ASTN1: variants seen among roughly 807,000 people sequenced by gnomAD.
The protein encoded by ASTN1 is astrotactin 1.
Under a neutral mutation model 140.7 loss-of-function variants are expected in ASTN1, and 41 were observed. The ratio of observed to expected loss-of-function variants is 0.29; its 90% CI spans 0.23 to 0.38. The LOEUF is 0.38. Ranked by LOEUF, ASTN1 falls within the 10% of genes least tolerant of loss-of-function variation. The pLI is 1.00. For synonymous variants in ASTN1, 640 were observed against 652.2 expected, an observed-to-expected ratio of 0.98 and a Z score of 0.29; for missense variants, 1,479 against 1,678.8, an observed-to-expected ratio of 0.88 and a Z score of 2.08.
chr1:176,922,422 C>A (rs774896578), intron 16 of ASTN1, among the ~76,000 whole-genome samples: 1 of 151,848 alleles, frequency 6.6e-6, no homozygotes, highest in Non-Finnish European at 1.5e-5. Context: ...AGGGAGTAAC[C>A]CCCAGGCTGC....
intron 1 of ASTN1, among the ~76,000 whole-genome samples, chr1:177,086,883 G>T (rs1273582245): frequency 1.3e-5 from 2 of 152,110 alleles, no homozygotes; most frequent in Non-Finnish European, 2.9e-5. Flanking sequence ...AATATACATT[G>T]TTAAGTATCT....
intron 2 of ASTN1, among the ~76,000 whole-genome samples, chr1:177,051,165 T>A (rs1194776975): frequency 9.9e-5 from 15 of 152,262 alleles, no homozygotes; most frequent in Admixed American, 9.8e-4. Flanking sequence ...GTGCCTTAAG[T>A]GACAATTATA....
At chr1:176,893,762 G>A (rs1055163325) in intron 17 of ASTN1, among the ~76,000 whole-genome samples, 6 of 152,126 alleles carry the variant, frequency 3.9e-5, no homozygotes, top group African/African-American at 7.2e-5. Flanking sequence ...CACACCCGGC[G>A]TCTCCTTGTT....
intron 16 of ASTN1, among the ~76,000 whole-genome samples, chr1:176,903,820 C>T (rs192829770): frequency 6.6e-6 from 1 of 152,276 alleles, no homozygotes; most frequent in African/African-American, 2.4e-5. Flanking sequence ...AGTTCAAAAT[C>T]AAGGTGTGGT....
At chr1:177,164,306 G>T in intron 1 of ASTN1, 88 bp downstream of exon 1, 1 of 1,355,562 alleles carries the variant, frequency 7.4e-7, no homozygotes, top group Non-Finnish European at 9.9e-7. Context: ...GGAGGTCGTC[G>T]GCGAGTGGGT....
intron 1 of ASTN1, among the ~76,000 whole-genome samples, chr1:177,138,253 C>T (rs988927550): frequency 1.4e-4 from 21 of 152,182 alleles, no homozygotes; most frequent in African/African-American, 4.8e-4. Flanking sequence ...GTAGAATTTT[C>T]CTGCCCCAGA....
At chr1:176,974,439 G>T (rs1311227755) in intron 8 of ASTN1, among the ~76,000 whole-genome samples, 4 of 149,592 alleles carry the variant, frequency 2.7e-5, no homozygotes, top group Admixed American at 1.3e-4. Flanking sequence ...AGGCTGGACT[G>T]CAGTGTCATG....
intron 1 of ASTN1, among the ~76,000 whole-genome samples, chr1:177,156,984 A>G (rs1036915738): frequency 2.0e-5 from 3 of 152,210 alleles, no homozygotes; most frequent in Non-Finnish European, 2.9e-5. Context: ...AAACTGTCAA[A>G]GTCATCAAAA....
chr1:176,859,086 A>T (rs1667889309), downstream of ASTN1, among the ~76,000 whole-genome samples: 1 of 152,242 alleles, frequency 6.6e-6, no homozygotes, highest in African/African-American at 2.4e-5. Context: ...GCACATTTGC[A>T]TCCAAAAAGT....
chr1:176,899,590 G>A (rs1204654927), intron 16 of ASTN1, among the ~76,000 whole-genome samples: 1 of 152,188 alleles, frequency 6.6e-6, no homozygotes, highest in African/African-American at 2.4e-5. Context: ...TTTGGAGACA[G>A]CTTAGGATCT....
chr1:176,947,286 G>A (rs1671999542), intron 12 of ASTN1, among the ~76,000 whole-genome samples: 1 of 152,216 alleles, frequency 6.6e-6, no homozygotes, highest in Admixed American at 6.5e-5. Context: ...CACATAGCTA[G>A]TGTTCATTAA....
At chr1:176,876,788 C>T (rs991823331) in intron 20 of ASTN1, 151 bp from the exon 21 acceptor site, 3 of 716,998 alleles carry the variant, frequency 4.2e-6, no homozygotes, top group Admixed American at 5.2e-5. Flanking sequence ...TGCCACCATC[C>T]CAGGCAGAAA....
At chr1:177,008,262 CAG>C (rs1350324838) in intron 8 of ASTN1, among the ~76,000 whole-genome samples, 1 of 152,014 alleles carries the variant, frequency 6.6e-6, no homozygotes, top group Non-Finnish European at 1.5e-5. Flanking sequence ...AGAGAAGAAA[CAG>C]AACTTTAGGT....
At chr1:177,026,804 A>G (rs1312984637) in intron 5 of ASTN1, among the ~76,000 whole-genome samples, 1 of 152,002 alleles carries the variant, frequency 6.6e-6, no homozygotes, top group Non-Finnish European at 1.5e-5. Flanking sequence ...CTCCCTACCC[A>G]TATCATCTTA....
chr1:176,937,373 G>A (rs925903032), intron 14 of ASTN1, among the ~76,000 whole-genome samples: 3 of 152,290 alleles, frequency 2.0e-5, no homozygotes, highest in African/African-American at 7.2e-5. Flanking sequence ...TGTGATAGTC[G>A]TGTGCTGTCT....
At chr1:177,102,731 G>C (rs1161524013) in intron 1 of ASTN1, among the ~76,000 whole-genome samples, 2 of 152,154 alleles carry the variant, frequency 1.3e-5, no homozygotes, top group Non-Finnish European at 1.5e-5. Flanking sequence ...TAGTCTATGA[G>C]AGACCTTCCA....
chr1:177,002,499 G>A (rs1674779772), intron 8 of ASTN1, among the ~76,000 whole-genome samples: 1 of 152,040 alleles, frequency 6.6e-6, no homozygotes, highest in African/African-American at 2.4e-5. Flanking sequence ...CCAGGAGTAT[G>A]AGCACTCTCT....
At position 176,936,272 on chromosome 1, in the gene ASTN1, A is replaced by T; in HGVS notation, c.2476T>A (p.Ser826Thr). 2 of 1,613,712 alleles carry T rather than the reference A, an allele frequency of 1.2e-6. No individual in the cohort carries two copies. The highest frequency in any genetic ancestry group is 1.7e-6 in the Non-Finnish European group (2 of 1,179,628). The change falls in exon 15 of 23, where the codon TCT becomes ACT. Residue 826 changes from serine (S) to threonine (T), a missense_variant. Physicochemically the swap from Ser to Thr is moderately conservative, Grantham distance 58. This residue lies in a region of ASTN1 where 746 missense variants were observed against 800.9 expected (regional missense o/e 0.93). Transcript: ENST00000361833. ...AGCCTGCAGCAGTGCTCACCCTGAG[A>T]GATGGCCACTTGGTTGAGTTTGATG... ...YHIKLNQVAI[S>T]QALSNALHSL...
chr1:176,936,156 T>G, intron 15 of ASTN1, 110 bp downstream of exon 15: 1 of 903,010 alleles, frequency 1.1e-6, no homozygotes, highest in Non-Finnish European at 1.8e-6. Context: ...TCTCATGCAA[T>G]AGCTACATTT....
Sources: gnomAD v4.1 joint callset for allele counts (sites outside exome capture counted in the v4.1 genomes callset) on GRCh38, gnomAD v4.1.1 for gene constraint, gnomAD v4.1.1 regional missense constraint, MANE v1.5 for transcripts, NCBI Gene and HGNC (gene_info 2026-07-23, HGNC 2026-07-21) for gene names.